FANCB: variants seen among roughly 807,000 people sequenced by gnomAD.
FANCB encodes the protein Fanconi anemia group B protein.
FANCB carries 5 observed loss-of-function variants against 38.9 expected under a neutral mutation model. That is an observed-to-expected ratio of 0.13 (90% CI 0.07 to 0.27). The LOEUF (loss-of-function observed/expected upper bound fraction) is 0.27, where lower values mean the gene tolerates loss of function less well. Among genes scored for constraint, FANCB ranks in the 10% least tolerant of loss-of-function variants. The pLI is 1.00. For synonymous variants in FANCB, 236 were observed against 215.4 expected (o/e 1.10, Z -0.84); for missense variants, 573 against 602.7 (o/e 0.95, Z 0.52).
At chrX:14,756,216 C>A in the FANCB span, among the ~76,000 whole-genome samples, 3 of 111,694 alleles carry the variant, frequency 2.7e-5, no homozygotes, top group Admixed American at 2.8e-4. Flanking sequence ...AATAATAACA[C>A]TAGAAAAAGA....
the FANCB span, among the ~76,000 whole-genome samples, chrX:14,753,026 CACAT>C: frequency 2.9e-5 from 3 of 103,509 alleles, no homozygotes; most frequent in African/African-American, 1.1e-4. Context: ...CACACACACA[CACAT>C]TAGTTTTTCT....
chrX:14,705,276 C>T, the FANCB span, among the ~76,000 whole-genome samples: 4 of 111,776 alleles, frequency 3.6e-5, no homozygotes, highest in Non-Finnish European at 7.5e-5. Context: ...GACACGGAAG[C>T]TTTGTTTGAT....
chrX:14,725,294 C>T, the FANCB span, among the ~76,000 whole-genome samples: 2 of 111,921 alleles, frequency 1.8e-5, no homozygotes, highest in South Asian at 7.4e-4. Flanking sequence ...TTTCCCAAGG[C>T]CATTCCTCTT....
At chrX:14,852,403 G>A (rs1209312537) in intron 6 of FANCB, among the ~76,000 whole-genome samples, 2 of 110,615 alleles carry the variant, frequency 1.8e-5, no homozygotes, top group Non-Finnish European at 3.8e-5. Context: ...TCTTGACCTC[G>A]TGATCCGCCC....
At chrX:14,795,135 T>C in the FANCB span, among the ~76,000 whole-genome samples, 1 of 112,262 alleles carries the variant, frequency 8.9e-6, no homozygotes, top group African/African-American at 3.2e-5. Flanking sequence ...AATTGGTAGC[T>C]GACCACCAGT....
At chrX:14,752,460 T>C in the FANCB span, among the ~76,000 whole-genome samples, 12 of 112,488 alleles carry the variant, frequency 1.1e-4, no homozygotes, top group Non-Finnish European at 2.3e-4. Context: ...TTCCATTTAG[T>C]CTAAGATAAA....
At chrX:14,733,114 C>T in the FANCB span, among the ~76,000 whole-genome samples, 1 of 111,716 alleles carries the variant, frequency 9.0e-6, no homozygotes, top group African/African-American at 3.3e-5. Context: ...TTCCGAACAC[C>T]AATTATTAGA....
the FANCB span, among the ~76,000 whole-genome samples, chrX:14,784,852 T>C: frequency 8.0e-5 from 9 of 112,294 alleles, no homozygotes; most frequent in South Asian, 1.5e-3. Context: ...AACAAGATCA[T>C]GTCCTTTGCA....
At chrX:14,860,287 A>C (rs1263397164) in intron 3 of FANCB, among the ~76,000 whole-genome samples, 1 of 112,213 alleles carries the variant, frequency 8.9e-6, no homozygotes, top group Admixed American at 9.5e-5. Context: ...ATACCCAAAT[A>C]TGAATCTTCC....
chrX:14,724,397 G>A, the FANCB span, among the ~76,000 whole-genome samples: 31 of 109,641 alleles, frequency 2.8e-4, no homozygotes, highest in Non-Finnish European at 2.3e-4. Context: ...AGGCCGAAGC[G>A]GGTGCATCAC....
the FANCB span, among the ~76,000 whole-genome samples, chrX:14,798,562 A>G: frequency 8.9e-6 from 1 of 112,570 alleles, no homozygotes; most frequent in Non-Finnish European, 1.9e-5. Flanking sequence ...TTTCAAAATC[A>G]TATGTAGTCT....
At chrX:14,834,010 C>T (rs772895561), downstream of FANCB, among the ~76,000 whole-genome samples, 3 of 108,506 alleles carry the variant, frequency 2.8e-5, no homozygotes, top group Non-Finnish European at 3.8e-5. Context: ...AAAACAAAAA[C>T]GACAACAAAA....
At chrX:14,708,450 A>G in the FANCB span, among the ~76,000 whole-genome samples, 2 of 110,995 alleles carry the variant, frequency 1.8e-5, no homozygotes, top group African/African-American at 3.3e-5. Context: ...TGCACTAACT[A>G]TATTGCACCT....
the FANCB span, among the ~76,000 whole-genome samples, chrX:14,729,038 C>T: frequency 8.9e-6 from 1 of 112,238 alleles, no homozygotes; most frequent in Admixed American, 9.4e-5. Flanking sequence ...TACAAATTGT[C>T]CTTGTTGTAC....
At chrX:14,750,640 T>C in the FANCB span, among the ~76,000 whole-genome samples, 1 of 110,841 alleles carries the variant, frequency 9.0e-6, no homozygotes, top group Admixed American at 9.6e-5. Flanking sequence ...CCCAAGTCTC[T>C]GGGGGACAGG....
At chrX:14,787,799 C>T in the FANCB span, among the ~76,000 whole-genome samples, 3 of 97,559 alleles carry the variant, frequency 3.1e-5, no homozygotes, top group African/African-American at 7.6e-5. Context: ...GTGACTTAGA[C>T]AAGGGAACTA....
the FANCB span, among the ~76,000 whole-genome samples, chrX:14,809,709 C>A: frequency 2.7e-5 from 3 of 112,822 alleles, no homozygotes; most frequent in Non-Finnish European, 3.8e-5. Context: ...CACCACAGCT[C>A]AAGGAGGCCT....
At chrX:14,801,686 G>A in the FANCB span, among the ~76,000 whole-genome samples, 1 of 110,820 alleles carries the variant, frequency 9.0e-6, no homozygotes, top group African/African-American at 3.3e-5. Flanking sequence ...TCCTTCTGGG[G>A]ATCGTGTTTT....
rs769640724 is a variant in FANCB at position 14,849,371 on chromosome X, A to G, written c.1496+1134T>C. Reference sequence around the variant, plus strand: ...TTCACTGAAACAAAACAATAAATCCATATCTCAAACCCACTAGATAAGTAG... The same window carrying G: ...TTCACTGAAACAAAACAATAAATCCGTATCTCAAACCCACTAGATAAGTAG... On this transcript the variant is annotated intron_variant, in intron 7 of 9. Coordinates refer to ENST00000650831, the MANE Select transcript of FANCB (RefSeq NM_001018113.3). 6.3e-5 allele frequency among the ~76,000 whole-genome samples: 7 copies of G among 111,630 alleles called. No individual in the cohort carries two copies. The East Asian group carries it at 2.0e-3, about 31-fold the overall frequency.
Sources: allele counts gnomAD v4.1 joint callset (sites outside exome capture counted in the v4.1 genomes callset), GRCh38; gene constraint gnomAD v4.1.1; transcripts MANE v1.5; gene names NCBI Gene and HGNC (gene_info 2026-07-23, HGNC 2026-07-21).